FGGY: variants seen among roughly 807,000 people sequenced by gnomAD.
The protein encoded by FGGY is FGGY carbohydrate kinase domain-containing protein.
FGGY carries 72 observed loss-of-function variants against 71.3 expected under a neutral mutation model. The observed-to-expected ratio is 1.01, with a 90% CI of 0.84 to 1.23. FGGY has a LOEUF of 1.23. Among genes scored for constraint, FGGY ranks in the 50% most tolerant of loss-of-function variants. The probability of loss-of-function intolerance (pLI) is 0.00; values close to 1 mark genes in which losing one functional copy is unlikely to be tolerated. For missense variants in FGGY, 668 were observed against 682.3 expected (o/e 0.98, Z 0.23); for synonymous variants, 251 against 250.3 (o/e 1.00, Z -0.02).
intron 9 of FGGY, among the ~76,000 whole-genome samples, chr1:59,615,155 A>T (rs867135393): frequency 3.1e-4 from 47 of 152,208 alleles, no homozygotes; most frequent in African/African-American, 1.1e-3. Context: ...ACTACTTTAA[A>T]GTTCATATGG....
chr1:59,681,083 T>A (rs1172669520), intron 14 of FGGY: 1 of 152,202 alleles, frequency 6.6e-6, no homozygotes, highest in Non-Finnish European at 1.5e-5. Flanking sequence ...CTCTACTTGT[T>A]TGCTTTTAAT....
chr1:59,578,585 G>A (rs2096127221), intron 8 of FGGY, among the ~76,000 whole-genome samples: 1 of 152,086 alleles, frequency 6.6e-6, no homozygotes, highest in Admixed American at 6.6e-5. Flanking sequence ...TATTATAATA[G>A]AGTGTACATA....
intron 11 of FGGY, among the ~76,000 whole-genome samples, chr1:59,654,845 TA>T (rs1311391597): frequency 6.6e-6 from 1 of 152,168 alleles, no homozygotes; most frequent in African/African-American, 2.4e-5. Context: ...AGACAGCTAC[TA>T]AGTTGCAAGA....
chr1:59,609,145 A>C (rs910472513), intron 9 of FGGY, among the ~76,000 whole-genome samples: 1 of 152,228 alleles, frequency 6.6e-6, no homozygotes, highest in African/African-American at 2.4e-5. Context: ...GGGAAAAAAG[A>C]CATGGAAGTG....
chr1:59,521,285 G>C (rs2094824967), intron 7 of FGGY, among the ~76,000 whole-genome samples: 1 of 152,160 alleles, frequency 6.6e-6, no homozygotes, highest in Admixed American at 6.5e-5. Context: ...ATGTGATGGA[G>C]GGAGGGGCAG....
chr1:59,320,037 T>C (rs530013236), intron 1 of FGGY, among the ~76,000 whole-genome samples: 1 of 151,894 alleles, frequency 6.6e-6, no homozygotes, highest in East Asian at 1.9e-4. Flanking sequence ...CATATGGAGG[T>C]CCCCAAGGGG....
chr1:59,366,699 T>C (rs1295735120), intron 4 of FGGY, among the ~76,000 whole-genome samples: 1 of 152,204 alleles, frequency 6.6e-6, no homozygotes, highest in Non-Finnish European at 1.5e-5. Context: ...GCATTTTTTT[T>C]TTCATGAGTT....
intron 10 of FGGY, among the ~76,000 whole-genome samples, chr1:59,636,831 A>G (rs909972003): frequency 2.6e-5 from 4 of 152,160 alleles, no homozygotes; most frequent in African/African-American, 9.7e-5. Flanking sequence ...CTTCTAAAAC[A>G]CTTTTAAAAT....
chr1:59,600,453 CT>C (rs1274414078), intron 8 of FGGY, among the ~76,000 whole-genome samples: 2 of 152,066 alleles, frequency 1.3e-5, no homozygotes, highest in African/African-American at 4.8e-5. Context: ...ACACATAGGA[CT>C]GGATGAGCTG....
chr1:59,335,052 A>G (rs1301825631), intron 2 of FGGY, among the ~76,000 whole-genome samples: 1 of 152,146 alleles, frequency 6.6e-6, no homozygotes, highest in Non-Finnish European at 1.5e-5. Flanking sequence ...TTCATAGCTC[A>G]ACTCGTTTTA....
chr1:59,614,389 G>A (rs568414496), intron 9 of FGGY, among the ~76,000 whole-genome samples: 44 of 152,250 alleles, frequency 2.9e-4, no homozygotes, highest in African/African-American at 1.0e-3. Flanking sequence ...CAGAACCAAC[G>A]ACAAAAACCA....
chr1:59,634,832 T>C (rs1303752873), intron 10 of FGGY, among the ~76,000 whole-genome samples: 2 of 152,148 alleles, frequency 1.3e-5, no homozygotes, highest in East Asian at 3.9e-4. Flanking sequence ...TTAGCCCCAA[T>C]AGCAAAAAAG....
chr1:59,424,461 C>T (rs1342120757), intron 5 of FGGY, among the ~76,000 whole-genome samples: 5 of 152,106 alleles, frequency 3.3e-5, no homozygotes, highest in East Asian at 1.9e-4. Flanking sequence ...GCAGGAGAAT[C>T]GCTTGAACCC....
At chr1:59,468,511 A>G (rs1489876080) in intron 6 of FGGY, among the ~76,000 whole-genome samples, 1 of 152,202 alleles carries the variant, frequency 6.6e-6, no homozygotes, top group African/African-American at 2.4e-5. Context: ...TTCATAGAGT[A>G]AAATAAACTG....
chr1:59,462,825 T>C (rs1029244026), intron 6 of FGGY, among the ~76,000 whole-genome samples: 5 of 151,822 alleles, frequency 3.3e-5, no homozygotes, highest in Non-Finnish European at 5.9e-5. Flanking sequence ...CTGGAGAGGA[T>C]GTGGAGAAAT....
intron 8 of FGGY, among the ~76,000 whole-genome samples, chr1:59,580,760 C>T (rs1226401973): frequency 6.6e-6 from 1 of 152,134 alleles, no homozygotes; most frequent in Non-Finnish European, 1.5e-5. Flanking sequence ...ATTTCTCCTT[C>T]TTTTTCTACT....
chr1:59,301,706 C>CTTTTTTTTTTTTTTTTTT (rs34290988), intron 1 of FGGY, among the ~76,000 whole-genome samples: 1 of 54,964 alleles, frequency 1.8e-5, no homozygotes, highest in Admixed American at 3.0e-4. Flanking sequence ...TGTGATCATT[C>CTTTTTTTTTTTTTTTTTT]TTTTTTTTTT....
chr1:59,520,622 A>G (rs146659925), intron 7 of FGGY, among the ~76,000 whole-genome samples: 1 of 152,344 alleles, frequency 6.6e-6, no homozygotes, highest in African/African-American at 2.4e-5. Flanking sequence ...GCTGGTCTTC[A>G]CTAAATCAAT....
intron 4 of FGGY, among the ~76,000 whole-genome samples, chr1:59,369,513 C>T (rs906577930): frequency 6.6e-6 from 1 of 152,212 alleles, no homozygotes; most frequent in Admixed American, 6.5e-5. Flanking sequence ...ACAGCAGTAA[C>T]CTCTGCAGAC....
Sources: allele counts gnomAD v4.1 joint callset (sites outside exome capture counted in the v4.1 genomes callset), GRCh38; gene constraint gnomAD v4.1.1; transcripts MANE v1.5; gene names NCBI Gene and HGNC (gene_info 2026-07-23, HGNC 2026-07-21).